The following THAP4 variants were observed in gnomAD, a reference collection of about 807,000 sequenced individuals.
THAP4 encodes peroxynitrite isomerase THAP4.
A neutral mutation model predicts 48.1 loss-of-function variants in THAP4; 18 were observed. The observed-to-expected ratio is 0.37, with a 90% confidence interval of 0.26 to 0.56. The LOEUF is 0.56. Among genes scored for constraint, THAP4 ranks in the 20% least tolerant of loss-of-function variants. THAP4 has a pLI of 0.78. For synonymous variants in THAP4, 345 were observed against 324.9 expected, an observed-to-expected ratio of 1.06 and a Z score of -0.66; for missense variants, 656 against 774.9, an observed-to-expected ratio of 0.85 and a Z score of 1.82.
chr2:241,611,240 G>C (rs2067270001), intron 2 of THAP4, among the ~76,000 whole-genome samples: 2 of 152,110 alleles, frequency 1.3e-5, no homozygotes, highest in African/African-American at 4.8e-5. Context: ...CCCTGGACTT[G>C]GGAAGCCTGG....
chr2:241,622,005 G>T lies in THAP4; in HGVS notation c.1240+10912C>A, dbSNP rs372398100. On this transcript the variant is annotated intron_variant, in intron 2 of 5. Transcript: ENST00000407315. Reference sequence around the variant, plus strand: ...TACATCCAGTGAAACTATTCTTCGGGTGCAAAGGAGAAGTAAAGAACTTAC... The same window carrying T: ...TACATCCAGTGAAACTATTCTTCGGTTGCAAAGGAGAAGTAAAGAACTTAC... Among the ~76,000 whole-genome samples the T allele has an allele frequency of 5.9e-5, 9 of 151,662 alleles. No homozygotes were observed. In the East Asian group the frequency reaches 9.6e-4, roughly 16 times the overall value.
intron 2 of THAP4, among the ~76,000 whole-genome samples, chr2:241,623,450 C>T (rs1349185636): frequency 1.3e-5 from 2 of 151,824 alleles, no homozygotes; most frequent in South Asian, 2.1e-4. Flanking sequence ...CATGGTGGCA[C>T]GCATCTGTAG....
Position 241,634,004 on chromosome 2 carries a change from C to T in THAP4, c.153G>A (p.Lys51=), listed in dbSNP as rs745947067. 19 of 1,613,964 alleles carry T rather than the reference C, an allele frequency of 1.2e-5. No individual in the cohort carries two copies. In the South Asian group the frequency reaches 1.9e-4, roughly 16 times the overall value. ...AATGCTCACTACAGAGAAATGAATA[C>T]TTAGTGGGAGTCCAGTTATCCCTCT... The part of the protein sequence containing the change: ...AVQRDNWTPT[K]YSFLCSEHFT... The change falls in exon 2 of 6, where the codon AAG becomes AAA. Residue 51 remains lysine (K), a synonymous_variant. Transcript: ENST00000407315.
intron 5 of THAP4, among the ~76,000 whole-genome samples, chr2:241,590,789 A>G: frequency 6.6e-6 from 1 of 151,846 alleles, no homozygotes; most frequent in East Asian, 1.9e-4. Context: ...TAGGACACTC[A>G]GAGCTGCTCG....
At chr2:241,600,595 G>A (rs952893659) in intron 5 of THAP4, among the ~76,000 whole-genome samples, 1 of 151,862 alleles carries the variant, frequency 6.6e-6, no homozygotes, top group Non-Finnish European at 1.5e-5. Context: ...GGGTGTGGTG[G>A]CGGGCACCTG....
chr2:241,633,386 G>C lies in THAP4; in HGVS notation c.771C>G (p.Asp257Glu). 3 of 1,613,410 alleles carry C rather than the reference G, an allele frequency of 1.9e-6. No homozygotes were observed. Among genetic ancestry groups the C allele is most frequent in the Non-Finnish European group, 2.5e-6 (3 of 1,180,008 alleles). ...ERPSVPREPIDRKRLKKDVEP... is the reference protein window; with the variant it reads ...ERPSVPREPIERKRLKKDVEP... ...CCACATCTTTCTTCAGCCTCTTGCGGTCAATGGGCTCTCGGGGGACAGATG... is the reference window on the plus strand; with the variant it reads ...CCACATCTTTCTTCAGCCTCTTGCGCTCAATGGGCTCTCGGGGGACAGATG... Residue 257 changes from aspartate to glutamate, a missense_variant, in exon 2 of 6, where the codon GAC (aspartate) becomes GAG (glutamate). Physicochemically the swap from Asp to Glu is conservative, Grantham distance 45. Around this residue, in one of 4 missense-constraint regions of THAP4, gnomAD observed 391 missense variants for 412.4 expected, o/e 0.95. Coordinates refer to ENST00000407315, the MANE Select transcript of THAP4 (RefSeq NM_015963.6). The surrounding 1 kb of genome is among the most constrained non-coding windows in gnomAD (Gnocchi z 7.5).
chr2:241,588,081 A>C (rs2066914753), intron 5 of THAP4, among the ~76,000 whole-genome samples: 1 of 152,092 alleles, frequency 6.6e-6, no homozygotes, highest in East Asian at 1.9e-4. Flanking sequence ...TAAAGAAACA[A>C]ACTACAGAAA....
chr2:241,632,893 G>A (rs945828541), intron 2 of THAP4, 24 bp downstream of exon 2: 2 of 1,534,416 alleles, frequency 1.3e-6, no homozygotes, highest in Non-Finnish European at 1.8e-6. Flanking sequence ...AGGGAACATG[G>A]GTACGCGAGG....
intron 2 of THAP4, among the ~76,000 whole-genome samples, chr2:241,625,434 C>T (rs947788544): frequency 2.7e-5 from 4 of 150,558 alleles, no homozygotes; most frequent in African/African-American, 9.8e-5. Flanking sequence ...GAGGTCACAC[C>T]TCTGTACTAT....
At chr2:241,608,971 CAGG>C (rs2067225926) in intron 2 of THAP4, among the ~76,000 whole-genome samples, 1 of 152,224 alleles carries the variant, frequency 6.6e-6, no homozygotes, top group Non-Finnish European at 1.5e-5. Context: ...TGGAGAGGAA[CAGG>C]AGGCCAGTGT....
chr2:241,620,983 G>A (rs1019487187), intron 2 of THAP4, among the ~76,000 whole-genome samples: 2 of 152,026 alleles, frequency 1.3e-5, no homozygotes, highest in African/African-American at 2.4e-5. Context: ...AAAATCTGAA[G>A]AGAGAGAGTG....
Position 241,622,167 on chromosome 2 carries a change from C to T in THAP4, c.1240+10750G>A, listed in dbSNP as rs541967261. 9.2e-5 allele frequency among the ~76,000 whole-genome samples: 14 copies of T among 152,276 alleles called. No homozygotes were observed. The South Asian group carries it at 1.7e-3, about 18-fold the overall frequency. On this transcript the variant is annotated intron_variant, in intron 2 of 5. Coordinates refer to ENST00000407315, the MANE Select transcript of THAP4 (RefSeq NM_015963.6). Reference sequence around the variant, plus strand: ...GGTGGATCGCCTGAGGTCAGGAGTTCGAGACCAGTCTGGCCAACGTGGTGA... The same window carrying T: ...GGTGGATCGCCTGAGGTCAGGAGTTTGAGACCAGTCTGGCCAACGTGGTGA...
At chr2:241,598,328 A>C (rs2067074260) in intron 5 of THAP4, among the ~76,000 whole-genome samples, 1 of 152,228 alleles carries the variant, frequency 6.6e-6, no homozygotes, top group Non-Finnish European at 1.5e-5. Context: ...GCAAAAGCTA[A>C]GAAGCTCCCA....
In THAP4 at chr2:241,634,092, T is replaced by G. The variant is rs750010920; in HGVS notation, c.78-13A>C. 1 of 1,509,176 alleles carries G rather than the reference T, an allele frequency of 6.6e-7. No individual in the cohort carries two copies. The allele number at this position is 1,509,176 out of a possible 1,614,324, so 93.5% of individuals were successfully genotyped here. A position where few individuals can be genotyped will look rare whatever the true frequency, so the allele number is the denominator to read the frequency against. On this transcript the variant is annotated splice_polypyrimidine_tract_variant and intron_variant, in intron 1 of 5. Transcript: ENST00000407315. ...CTTTAGGGGGAACCTACAGGACAAA[T>G]GACAAAAAGTAATTAGAAATAATTA...
At chr2:241,620,751 G>T (rs1221353729) in intron 2 of THAP4, among the ~76,000 whole-genome samples, 1 of 151,916 alleles carries the variant, frequency 6.6e-6, no homozygotes, top group Non-Finnish European at 1.5e-5. Context: ...CTGCACAGAG[G>T]CTACACTAAA....
At chr2:241,588,138 G>A (rs2066915407) in intron 5 of THAP4, among the ~76,000 whole-genome samples, 2 of 151,890 alleles carry the variant, frequency 1.3e-5, no homozygotes, top group African/African-American at 4.8e-5. Flanking sequence ...ATATACAACA[G>A]CTAATTGTAC....
At chr2:241,635,185 TGA>T (rs1156503650) in intron 1 of THAP4, among the ~76,000 whole-genome samples, 1 of 152,106 alleles carries the variant, frequency 6.6e-6, no homozygotes, top group African/African-American at 2.4e-5. Flanking sequence ...CTCTGGAGGC[TGA>T]GATGGGAGGA....
At chr2:241,590,918 C>G (rs2066966434) in intron 5 of THAP4, among the ~76,000 whole-genome samples, 1 of 142,280 alleles carries the variant, frequency 7.0e-6, no homozygotes, top group Non-Finnish European at 1.6e-5. Flanking sequence ...AACTGCCCGG[C>G]TGACGATGAT....
intron 2 of THAP4, among the ~76,000 whole-genome samples, chr2:241,631,121 C>T (rs137931768): frequency 4.6e-5 from 7 of 152,302 alleles, no homozygotes; most frequent in Admixed American, 2.6e-4. Context: ...ATCCGAAAAT[C>T]TAGATTTGAT....
Sources: allele counts gnomAD v4.1 joint callset (sites outside exome capture counted in the v4.1 genomes callset), GRCh38; gene constraint gnomAD v4.1.1; regional missense constraint gnomAD v4.1.1; non-coding constraint Gnocchi (gnomAD v3.1); transcripts MANE v1.5; gene names NCBI Gene and HGNC (gene_info 2026-07-23, HGNC 2026-07-21).